Variants in SLC25A16 observed in about 807,000 individuals in gnomAD.
SLC25A16 encodes solute carrier family 25 member 16, also known as mitochondrial coenzyme A transporter SLC25A16.
Under a neutral mutation model 41.5 loss-of-function variants are expected in SLC25A16, and 39 were observed. That is an observed-to-expected ratio of 0.94 (90% CI 0.73 to 1.23). SLC25A16 has a LOEUF of 1.23. Ranked by LOEUF, SLC25A16 falls within the 50% of genes most tolerant of loss-of-function variation. SLC25A16 has a pLI of 0.00. For missense variants in SLC25A16, 421 were observed against 426.9 expected (o/e 0.99, Z 0.12); for synonymous variants, 146 against 147.8 (o/e 0.99, Z 0.09).
rs772474022 is a variant in SLC25A16 at position 68,503,624 on chromosome 10, C to T, written c.421+8G>A. 6 of 1,557,798 alleles carry T rather than the reference C, an allele frequency of 3.9e-6. No homozygotes were observed. In the Admixed American group the frequency reaches 5.2e-5, roughly 13 times the overall value. Reference sequence around the variant, plus strand: ...TGTCAGAAATAAAATATACCTAACTCCTCTTACCTGCCATGGATCCAGCCA... The same window carrying T: ...TGTCAGAAATAAAATATACCTAACTTCTCTTACCTGCCATGGATCCAGCCA... On this transcript the variant is annotated splice_region_variant and intron_variant, in intron 4 of 8. Coordinates refer to ENST00000609923, the MANE Select transcript of SLC25A16 (RefSeq NM_152707.4).
Position 68,483,523 on chromosome 10 carries a change from C to G in SLC25A16, c.908G>C (p.Gly303Ala). Residue 303 changes from glycine (G) to alanine (A), a missense_variant, in exon 9 of 9, where the codon GGT becomes GCT. Gly to Ala is a moderately conservative substitution (Grantham distance 60, BLOSUM62 0). Transcript: ENST00000609923. Reference protein sequence around the residue: ...HHGIRKGLYRGLSLNYIRCIP... With the variant: ...HHGIRKGLYRALSLNYIRCIP... ...ACAGCGAATGTAATTAAGAGATAAA[C>G]CACGATAGAGTCCTTTTCGAATTCC... 6.2e-7 allele frequency: 1 copy of G among 1,612,200 alleles called. No individual in the cohort carries two copies. Among genetic ancestry groups the G allele is most frequent in the South Asian group, 1.1e-5 (1 of 90,716 alleles).
At chr10:68,521,927 G>A (rs1301554440) in intron 1 of SLC25A16, among the ~76,000 whole-genome samples, 5 of 151,754 alleles carry the variant, frequency 3.3e-5, no homozygotes, top group African/African-American at 4.8e-5. Flanking sequence ...TTGGGATGCT[G>A]AGGTGGGCAG....
At chr10:68,518,310 G>A (rs867303304) in intron 1 of SLC25A16, 29 of 150,752 alleles carry the variant, frequency 1.9e-4, no homozygotes, top group African/African-American at 7.1e-4. Context: ...CCCAACTACT[G>A]GGGAGGCCGA....
chr10:68,487,079 T>A, intron 8 of SLC25A16, 65 bp downstream of exon 8: 1 of 1,242,974 alleles, frequency 8.0e-7, no homozygotes, highest in South Asian at 1.2e-5. Flanking sequence ...TAGAGTCCTA[T>A]CTCCTTACTG....
At chr10:68,516,121 G>T (rs1026137108) in intron 2 of SLC25A16, among the ~76,000 whole-genome samples, 2 of 152,096 alleles carry the variant, frequency 1.3e-5, no homozygotes, top group African/African-American at 4.8e-5. Flanking sequence ...AATAGTACTT[G>T]AACCTAAGTT....
chr10:68,516,647 G>A (rs1426475759), intron 2 of SLC25A16, 104 bp downstream of exon 2: 9 of 698,036 alleles, frequency 1.3e-5, no homozygotes, highest in Middle Eastern at 4.1e-4. Context: ...TTTTTAAAGA[G>A]GAACCTCTAC....
chr10:68,515,808 A>AT (rs1026023011), intron 2 of SLC25A16, among the ~76,000 whole-genome samples: 1 of 152,024 alleles, frequency 6.6e-6, no homozygotes, highest in Admixed American at 6.6e-5. Context: ...CAAAAAATAA[A>AT]TAAATAAATA....
rs2052577360 is a variant in SLC25A16, at chr10:68,487,118, T to C, written c.842+26A>G. ...TTAATGTTACATTTCCTAAAGAAAA[T>C]GAACAATGACATATGATGAACTTAC... is the stretch of plus-strand genomic sequence containing the variant. On this transcript the variant is annotated intron_variant, in intron 8 of 8. Transcript: ENST00000609923. The C allele has an allele frequency of 1.9e-6, 3 of 1,582,592 alleles. No individual in the cohort carries two copies. The South Asian group carries it at 3.3e-5, about 18-fold the overall frequency.
At chr10:68,485,454 G>C (rs1333384592) in intron 8 of SLC25A16, among the ~76,000 whole-genome samples, 3 of 151,822 alleles carry the variant, frequency 2.0e-5, no homozygotes, top group African/African-American at 7.3e-5. Context: ...GCATGATCTT[G>C]GCTAACTGCA....
intron 1 of SLC25A16, among the ~76,000 whole-genome samples, chr10:68,521,686 C>T (rs892466549): frequency 5.9e-4 from 87 of 147,418 alleles, no homozygotes; most frequent in Middle Eastern, 7.1e-3. Flanking sequence ...CTCCGCCTCC[C>T]GGGTTCACGC....
chr10:68,484,424 CTTT>C (rs35608830), intron 8 of SLC25A16, among the ~76,000 whole-genome samples: 3,107 of 127,512 alleles, frequency 0.024, 106 homozygotes, highest in African/African-American at 0.084. Context: ...TTTCAAAAAT[CTTT>C]TTTTTTTTTT....
At position 68,480,831 on chromosome 10, in the gene SLC25A16, T is replaced by C. The variant is rs977778780; in HGVS notation, c.*2601A>G. On this transcript the variant is annotated 3_prime_UTR_variant, in exon 9 of 9. Coordinates refer to ENST00000609923, the MANE Select transcript of SLC25A16 (RefSeq NM_152707.4). ...TTTATATACTTAAATTATCTTAACA[T>C]TTAATAACAATAATTAGCTACAGTG... 14 of 150,976 alleles carry C rather than the reference T, an allele frequency of 9.3e-5. No individual in the cohort carries two copies. The highest frequency in any genetic ancestry group is 1.8e-4 in the Non-Finnish European group (12 of 67,784). The allele number at this position is 150,976 out of a possible 1,614,324, so 9.4% of individuals were successfully genotyped here. A position where few individuals can be genotyped will look rare whatever the true frequency, so the allele number is the denominator to read the frequency against.
intron 1 of SLC25A16, among the ~76,000 whole-genome samples, chr10:68,524,516 G>A (rs1307402448): frequency 1.3e-5 from 2 of 151,358 alleles, no homozygotes; most frequent in African/African-American, 4.9e-5. Context: ...ACTCCAGCCT[G>A]GGTGAGAGTA....
chr10:68,502,244 A>T (rs1444901926), intron 4 of SLC25A16, among the ~76,000 whole-genome samples: 1 of 151,962 alleles, frequency 6.6e-6, no homozygotes, highest in Non-Finnish European at 1.5e-5. Context: ...ACATGATTAA[A>T]TGTCTTTACC....
rs1165934297 is a variant in SLC25A16 at position 68,478,686 on chromosome 10, C to T, written c.*4746G>A. On this transcript the variant is annotated 3_prime_UTR_variant, in exon 9 of 9. Coordinates refer to ENST00000609923, the MANE Select transcript of SLC25A16 (RefSeq NM_152707.4). ...GAGTCACTTCACCCAGCCATAAAAA[C>T]TATTTATAAGTTTTATTTTATATAT... is the stretch of plus-strand genomic sequence containing the variant. 6.6e-6 allele frequency: 1 copy of T among 150,826 alleles called. No individual in the cohort carries two copies. Among genetic ancestry groups the T allele is most frequent in the East Asian group, 1.9e-4 (1 of 5,176 alleles). 9.3% of individuals were successfully genotyped at this position (150,826 alleles called of 1,614,324 possible).
intron 2 of SLC25A16, among the ~76,000 whole-genome samples, chr10:68,514,722 G>C (rs2053130119): frequency 6.6e-6 from 1 of 151,964 alleles, no homozygotes; most frequent in Non-Finnish European, 1.5e-5. Flanking sequence ...TGGCTGGTCT[G>C]TAAGGAACAA....
Position 68,512,380 on chromosome 10 carries a change from G to C in SLC25A16, c.223+4371C>G, listed in dbSNP as rs1297915703. On this transcript the variant is annotated intron_variant, in intron 2 of 8. Transcript: ENST00000609923. ...TGGCCGGGCGCGGTGGCTCACGCCTGTAATCCCAGCACTTTGGGAGGCCGA... is the reference window on the plus strand; with the variant it reads ...TGGCCGGGCGCGGTGGCTCACGCCTCTAATCCCAGCACTTTGGGAGGCCGA... 4.2e-5 allele frequency among the ~76,000 whole-genome samples: 6 copies of C among 141,550 alleles called. 2 individuals are homozygous for C. 92.9% of individuals were successfully genotyped at this position (141,550 alleles called of 152,430 possible).
At chr10:68,505,110 G>C (rs2052929476) in intron 3 of SLC25A16, among the ~76,000 whole-genome samples, 1 of 152,148 alleles carries the variant, frequency 6.6e-6, no homozygotes, top group South Asian at 2.1e-4. Flanking sequence ...ACTAGCATGG[G>C]CAACACAGTG....
chr10:68,508,889 G>A (rs2053006096), intron 2 of SLC25A16, among the ~76,000 whole-genome samples: 1 of 152,026 alleles, frequency 6.6e-6, no homozygotes, highest in African/African-American at 2.4e-5. Context: ...AGTATCGAGG[G>A]GGTTTCAACT....
Sources: allele counts gnomAD v4.1 joint callset (sites outside exome capture counted in the v4.1 genomes callset), GRCh38; gene constraint gnomAD v4.1.1; transcripts MANE v1.5; gene names NCBI Gene and HGNC (gene_info 2026-07-23, HGNC 2026-07-21).